CMSS1: variants seen among roughly 807,000 people sequenced by gnomAD.
The protein encoded by CMSS1 is protein CMSS1.
CMSS1 carries 33 observed loss-of-function variants against 43.5 expected under a neutral mutation model. That is an observed-to-expected ratio of 0.76 (90% CI 0.57 to 1.01). The LOEUF is 1.01. CMSS1 is among the 50% of genes least tolerant of loss of function. The pLI is 0.00. For synonymous variants in CMSS1, 115 were observed against 117.2 expected (o/e 0.98, Z 0.12); for missense variants, 313 against 326.4 (o/e 0.96, Z 0.32).
intron 1 of CMSS1, chr3:99,930,841 A>T (rs746965098): frequency 6.2e-7 from 1 of 1,612,374 alleles, no homozygotes; most frequent in Admixed American, 1.7e-5. Context: ...CTTGGTGGCC[A>T]TTACCACTGT....
At chr3:99,974,196 A>T (rs1708902221) in intron 1 of CMSS1, among the ~76,000 whole-genome samples, 1 of 152,230 alleles carries the variant, frequency 6.6e-6, no homozygotes, top group Non-Finnish European at 1.5e-5. Context: ...CATGGAGAGG[A>T]CAATTTATCA....
At chr3:99,996,413 C>G (rs188108854) in intron 1 of CMSS1, among the ~76,000 whole-genome samples, 1 of 152,196 alleles carries the variant, frequency 6.6e-6, no homozygotes, top group Non-Finnish European at 1.5e-5. Flanking sequence ...GAAGTTCCAA[C>G]TTTCCCACAT....
At chr3:99,985,108 A>T (rs574952633) in intron 1 of CMSS1, among the ~76,000 whole-genome samples, 14 of 152,194 alleles carry the variant, frequency 9.2e-5, no homozygotes, top group Non-Finnish European at 1.9e-4. Context: ...TAAAACACAG[A>T]CTACTAGAAA....
chr3:100,174,977 A>G (rs1282982382), intron 8 of CMSS1, among the ~76,000 whole-genome samples: 1 of 152,146 alleles, frequency 6.6e-6, no homozygotes, highest in Non-Finnish European at 1.5e-5. Flanking sequence ...TACAACAGAG[A>G]TTGATTATAC....
rs998581119 is a variant in CMSS1, at chr3:99,856,483, G to A, written c.64+38440G>A. Among the ~76,000 whole-genome samples, 15 of 152,108 alleles carry A rather than the reference G, an allele frequency of 9.9e-5. No homozygotes were observed. In the East Asian group the frequency reaches 1.5e-3, roughly 16 times the overall value. ...CATTATAGGAACATTCAGTGAATCC[G>A]CTCCAATAAAAATGGGTTGTGGAAG... On this transcript the variant is annotated intron_variant, in intron 1 of 9. Transcript: ENST00000421999.
intron 1 of CMSS1, among the ~76,000 whole-genome samples, chr3:100,005,638 G>A (rs1709965590): frequency 1.3e-5 from 2 of 152,176 alleles, no homozygotes; most frequent in African/African-American, 4.8e-5. Context: ...AATATAGCCA[G>A]AAATATTTGT....
chr3:100,077,782 T>C (rs35844878), intron 1 of CMSS1, among the ~76,000 whole-genome samples: 27,677 of 152,016 alleles, frequency 0.18, 2,903 homozygotes, highest in South Asian at 0.25. Context: ...TGGCTGTGCA[T>C]GTCTGTGGTC....
chr3:99,883,150 TTTATC>T (rs1705784119), intron 1 of CMSS1, among the ~76,000 whole-genome samples: 1 of 152,188 alleles, frequency 6.6e-6, no homozygotes, highest in Non-Finnish European at 1.5e-5. Context: ...ACTTCAGTGT[TTTATC>T]TAAGAATTGG....
intron 1 of CMSS1, among the ~76,000 whole-genome samples, chr3:99,992,516 G>T (rs946175804): frequency 5.3e-5 from 8 of 151,826 alleles, no homozygotes; most frequent in Middle Eastern, 3.4e-3. Flanking sequence ...GGGTTATTTG[G>T]TTTTTTTCTT....
intron 1 of CMSS1, among the ~76,000 whole-genome samples, chr3:99,851,299 G>T (rs1312776422): frequency 1.3e-5 from 2 of 152,140 alleles, no homozygotes; most frequent in East Asian, 1.9e-4. Context: ...TTCACCAGGA[G>T]CCTTAGTAAA....
chr3:100,062,492 CA>C, intron 1 of CMSS1, among the ~76,000 whole-genome samples: 1 of 152,108 alleles, frequency 6.6e-6, no homozygotes, highest in Non-Finnish European at 1.5e-5. Context: ...CTGTGTTATG[CA>C]TGCCTTGCAG....
intron 1 of CMSS1, among the ~76,000 whole-genome samples, chr3:100,027,115 C>A (rs1046564806): frequency 1.3e-5 from 2 of 152,144 alleles, no homozygotes. Context: ...CTTGGACACG[C>A]TATCTAAACT....
chr3:100,079,258 T>C (rs1305646617), intron 1 of CMSS1, among the ~76,000 whole-genome samples: 23 of 152,340 alleles, frequency 1.5e-4, no homozygotes, highest in Non-Finnish European at 1.5e-5. Context: ...AGAGTTACTA[T>C]CGATGCTTTC....
At chr3:99,929,816 T>G in intron 1 of CMSS1, 1 of 1,500,312 alleles carries the variant, frequency 6.7e-7, no homozygotes, top group Middle Eastern at 1.9e-4. Context: ...GGCTAGTGCT[T>G]GGCTGCCTCC....
At chr3:100,135,476 G>A (rs1466417597) in intron 1 of CMSS1, among the ~76,000 whole-genome samples, 1 of 150,246 alleles carries the variant, frequency 6.7e-6, no homozygotes, top group Non-Finnish European at 1.5e-5. Flanking sequence ...GTGTGTGTGT[G>A]TGTGTGTGTG....
In CMSS1 at chr3:100,162,380, C is replaced by G. The variant is rs749962724; in HGVS notation, c.303C>G (p.Asp101Glu). 1 of 1,613,414 alleles carries G rather than the reference C, an allele frequency of 6.2e-7. No individual in the cohort carries two copies. The highest frequency in any genetic ancestry group is 1.3e-5 in the African/African-American group (1 of 74,918). ...AAGACCTACAGAAGCTGATGAAGGA[C>G]TATTATAGCAGCAGACGCTTGGTGA... ...LPEDLQKLMK[D>E]YYSSRRLVIE... The change falls in exon 4 of 10, where the codon GAC (aspartate) becomes GAG (glutamate). Residue 101 changes from aspartate (D) to glutamate (E), a missense_variant. Asp to Glu is a conservative substitution (Grantham distance 45). Transcript: ENST00000421999.
At chr3:99,875,153 CT>C (rs1705447280) in intron 1 of CMSS1, among the ~76,000 whole-genome samples, 1 of 152,034 alleles carries the variant, frequency 6.6e-6, no homozygotes, top group Non-Finnish European at 1.5e-5. Context: ...TTGACATAAC[CT>C]TTTTATTTTT....
At chr3:100,012,508 T>G (rs1398745009) in intron 1 of CMSS1, among the ~76,000 whole-genome samples, 4 of 152,164 alleles carry the variant, frequency 2.6e-5, no homozygotes, top group Non-Finnish European at 5.9e-5. Flanking sequence ...TACATATCAC[T>G]TAGTAAAGGG....
At chr3:99,936,363 T>G (rs1707667619) in intron 1 of CMSS1, among the ~76,000 whole-genome samples, 1 of 144,274 alleles carries the variant, frequency 6.9e-6, no homozygotes, top group Non-Finnish European at 1.5e-5. Flanking sequence ...AACTGAAGCT[T>G]GAAGCCTTTT....
Sources: allele counts gnomAD v4.1 joint callset (sites outside exome capture counted in the v4.1 genomes callset), GRCh38; gene constraint gnomAD v4.1.1; transcripts MANE v1.5; gene names NCBI Gene and HGNC (gene_info 2026-07-23, HGNC 2026-07-21).